CSMD1: variants seen among roughly 807,000 people sequenced by gnomAD.
The protein encoded by CSMD1 is CUB and Sushi multiple domains 1, also known as CUB and sushi domain-containing protein 1.
Under a neutral mutation model 417.5 loss-of-function variants are expected in CSMD1, and 213 were observed. The observed-to-expected ratio is 0.51, with a 90% CI of 0.46 to 0.57. The LOEUF (loss-of-function observed/expected upper bound fraction) is 0.57, where lower values mean the gene tolerates loss of function less well. Among genes scored for constraint, CSMD1 ranks in the 20% least tolerant of loss-of-function variants. The pLI, the probability that CSMD1 is intolerant of heterozygous loss-of-function variation, is 0.00. For synonymous variants in CSMD1, 2,862 were observed against 1,736.8 expected (o/e 1.65, Z -16.11); for missense variants, 6,923 against 4,529.7 (o/e 1.53, Z -15.17).
intron 1 of CSMD1, among the ~76,000 whole-genome samples, chr8:4,848,424 T>A (rs1056103518): frequency 2.0e-5 from 3 of 152,236 alleles, no homozygotes; most frequent in Non-Finnish European, 2.9e-5. Flanking sequence ...CCTATGGTCT[T>A]CCAACATTGT....
At chr8:4,342,807 C>A (rs1489480765) in intron 3 of CSMD1, among the ~76,000 whole-genome samples, 1 of 151,710 alleles carries the variant, frequency 6.6e-6, no homozygotes, top group African/African-American at 2.4e-5. Flanking sequence ...GTGGTTCGTT[C>A]CTGCCACAAC....
intron 5 of CSMD1, among the ~76,000 whole-genome samples, chr8:3,987,201 G>C (rs572501456): frequency 3.9e-5 from 6 of 152,086 alleles, no homozygotes; most frequent in African/African-American, 1.4e-4. Flanking sequence ...TACACACACC[G>C]TGCCCACAAC....
chr8:3,987,552 G>T (rs922681048), intron 5 of CSMD1, among the ~76,000 whole-genome samples: 1 of 152,138 alleles, frequency 6.6e-6, no homozygotes, highest in African/African-American at 2.4e-5. Context: ...AAATGGTGCA[G>T]CTACGAAGGG....
chr8:3,396,054 A>G (rs1199389150), intron 17 of CSMD1, 140 bp downstream of exon 17: 1 of 676,056 alleles, frequency 1.5e-6, no homozygotes, highest in African/African-American at 1.8e-5. Flanking sequence ...AGTTCTTACA[A>G]TTGCATAGTA....
At chr8:4,565,785 TA>T (rs1798577570) in intron 2 of CSMD1, among the ~76,000 whole-genome samples, 1 of 60,776 alleles carries the variant, frequency 1.6e-5, no homozygotes, top group African/African-American at 4.3e-5. Flanking sequence ...TATATATATA[TA>T]TATATATATA....
intron 3 of CSMD1, among the ~76,000 whole-genome samples, chr8:4,414,793 T>A (rs1045252737): frequency 9.9e-5 from 15 of 152,164 alleles, no homozygotes; most frequent in Admixed American, 9.2e-4. Context: ...GTGCCAAGTG[T>A]CAAGGATTCA....
At chr8:4,457,390 C>T (rs755567893) in intron 2 of CSMD1, among the ~76,000 whole-genome samples, 12 of 151,990 alleles carry the variant, frequency 7.9e-5, no homozygotes, top group African/African-American at 1.4e-4. Context: ...AGGTCTGGAA[C>T]AGGAAGGGAA....
chr8:4,926,364 T>C (rs1387228626), intron 1 of CSMD1, among the ~76,000 whole-genome samples: 1 of 152,216 alleles, frequency 6.6e-6, no homozygotes, highest in Non-Finnish European at 1.5e-5. Context: ...CACCATGAAC[T>C]CTTTATCTTT....
At chr8:4,610,650 T>C (rs889560690) in intron 2 of CSMD1, among the ~76,000 whole-genome samples, 123 of 152,298 alleles carry the variant, frequency 8.1e-4, no homozygotes, top group African/African-American at 2.8e-3. Flanking sequence ...TTATAAATAG[T>C]TGATTTAATT....
chr8:4,142,650 A>G (rs985751327), intron 3 of CSMD1, among the ~76,000 whole-genome samples: 4 of 151,146 alleles, frequency 2.6e-5, no homozygotes, highest in Non-Finnish European at 5.9e-5. Flanking sequence ...GAGAGAAAAC[A>G]GTAACTGATT....
intron 8 of CSMD1, among the ~76,000 whole-genome samples, chr8:3,598,470 C>G (rs139905682): frequency 2.3e-4 from 35 of 152,252 alleles, no homozygotes; most frequent in East Asian, 1.9e-3. Flanking sequence ...TGGGACCGAC[C>G]GCCCCATAGG....
At chr8:3,998,225 G>C in intron 4 of CSMD1, 115 bp from the exon 5 acceptor site, 1 of 816,034 alleles carries the variant, frequency 1.2e-6, no homozygotes, top group South Asian at 1.8e-5. Flanking sequence ...ACCCAAAATT[G>C]AGACACTCAA....
Position 3,744,864 on chromosome 8 carries a change from G to C in CSMD1, c.931+9066C>G, listed in dbSNP as rs189534877. On this transcript the variant is annotated intron_variant, in intron 6 of 69. Transcript: ENST00000635120. ...TTAAGTCTGATAAATGCTCATCACA[G>C]ATAGAGTAAGGGATGGTGTTCAAAC... Among the ~76,000 whole-genome samples, 5 of 152,272 alleles carry C rather than the reference G, an allele frequency of 3.3e-5. No individual in the cohort carries two copies. In the East Asian group the frequency reaches 5.8e-4, roughly 18 times the overall value.
intron 3 of CSMD1, among the ~76,000 whole-genome samples, chr8:4,109,646 C>G (rs980733688): frequency 2.6e-5 from 4 of 152,078 alleles, no homozygotes; most frequent in Non-Finnish European, 5.9e-5. Flanking sequence ...CATTGGCAAC[C>G]TTGTAAGTTT....
chr8:4,425,760 A>T (rs1020715987), intron 2 of CSMD1, among the ~76,000 whole-genome samples: 2 of 152,152 alleles, frequency 1.3e-5, no homozygotes, highest in East Asian at 3.8e-4. Flanking sequence ...AATCCCAATA[A>T]TCCACACAGG....
intron 50 of CSMD1, among the ~76,000 whole-genome samples, chr8:3,049,974 AT>A (rs1811711108): frequency 6.6e-6 from 1 of 152,150 alleles, no homozygotes; most frequent in Admixed American, 6.5e-5. Context: ...AGCTCTGAAA[AT>A]AAAAATTACA....
chr8:4,315,726 G>C (rs1186554800), intron 3 of CSMD1, among the ~76,000 whole-genome samples: 1 of 152,130 alleles, frequency 6.6e-6, no homozygotes, highest in East Asian at 1.9e-4. Flanking sequence ...AGATTGAGCT[G>C]TGCAAAAAAG....
intron 6 of CSMD1, among the ~76,000 whole-genome samples, chr8:3,709,387 C>G (rs1430173138): frequency 2.0e-5 from 3 of 152,132 alleles, no homozygotes; most frequent in Non-Finnish European, 2.9e-5. Context: ...AGTTACTTGC[C>G]TCTGAGCCTG....
chr8:4,941,252 T>G (rs1463355155), intron 1 of CSMD1, among the ~76,000 whole-genome samples: 8 of 137,208 alleles, frequency 5.8e-5, no homozygotes, highest in African/African-American at 1.8e-4. Context: ...TCTTTTGTTG[T>G]TTCAAACACA....
Sources: allele counts gnomAD v4.1 joint callset (sites outside exome capture counted in the v4.1 genomes callset), GRCh38; gene constraint gnomAD v4.1.1; transcripts MANE v1.5; gene names NCBI Gene and HGNC (gene_info 2026-07-23, HGNC 2026-07-21).